The following CAST variants were observed in gnomAD, a reference collection of about 807,000 sequenced individuals.
The protein encoded by CAST is MIR583 host.
Under a neutral mutation model 119.6 loss-of-function variants are expected in CAST, and 76 were observed. The observed-to-expected ratio is 0.64, with a 90% CI of 0.53 to 0.77. CAST has a LOEUF of 0.77. CAST is among the 30% of genes least tolerant of loss of function. The pLI, the probability that CAST is intolerant of heterozygous loss-of-function variation, is 0.00. For synonymous variants in CAST, 319 were observed against 331.6 expected, an observed-to-expected ratio of 0.96 and a Z score of 0.41; for missense variants, 953 against 946.5, an observed-to-expected ratio of 1.01 and a Z score of -0.09.
chr5:96,260,068 C>T, the CAST span, among the ~76,000 whole-genome samples: 4 of 151,994 alleles, frequency 2.6e-5, no homozygotes, highest in African/African-American at 9.7e-5. Context: ...CTCAACCCCG[C>T]AGACATTAGA....
chr5:96,198,322 T>G, the CAST span, among the ~76,000 whole-genome samples: 1 of 152,156 alleles, frequency 6.6e-6, no homozygotes, highest in Admixed American at 6.5e-5. Context: ...GTTGCAAAAA[T>G]TAAAAGAAAT....
the CAST span, among the ~76,000 whole-genome samples, chr5:96,374,628 G>A: frequency 6.6e-6 from 1 of 152,146 alleles, no homozygotes; most frequent in Non-Finnish European, 1.5e-5. Context: ...ATGTCTTGTA[G>A]TTTTCCATCT....
At chr5:96,453,255 T>C in the CAST span, among the ~76,000 whole-genome samples, 1 of 152,322 alleles carries the variant, frequency 6.6e-6, no homozygotes, top group African/African-American at 2.4e-5. Context: ...GTGTGTATAA[T>C]GCATTGAGTT....
At chr5:96,500,910 C>T in the CAST span, among the ~76,000 whole-genome samples, 5 of 152,132 alleles carry the variant, frequency 3.3e-5, no homozygotes, top group South Asian at 1.0e-3. Flanking sequence ...ATGTTGACTA[C>T]AAAAGTCAGG....
the CAST span, chr5:96,247,985 C>T: frequency 6.6e-6 from 1 of 152,318 alleles, no homozygotes; most frequent in South Asian, 2.1e-4. Context: ...TCAGTAGCCA[C>T]TCGGTGGGGA....
At chr5:95,987,217 A>T in the CAST span, among the ~76,000 whole-genome samples, 1 of 151,966 alleles carries the variant, frequency 6.6e-6, no homozygotes, top group Non-Finnish European at 1.5e-5. Flanking sequence ...CTGTGACCTC[A>T]CCTTAGCTTA....
the CAST span, among the ~76,000 whole-genome samples, chr5:96,141,241 T>G: frequency 6.6e-6 from 1 of 152,232 alleles, no homozygotes; most frequent in Non-Finnish European, 1.5e-5. Context: ...CTGTTTTGTT[T>G]GGATTTTTGA....
At chr5:96,414,149 A>T in the CAST span, among the ~76,000 whole-genome samples, 1 of 151,628 alleles carries the variant, frequency 6.6e-6, no homozygotes, top group South Asian at 2.1e-4. Context: ...AAAAAAAAAA[A>T]AAAAAATCCC....
At chr5:96,645,873 A>C (rs190498) in intron 1 of CAST, among the ~76,000 whole-genome samples, 52,926 of 150,914 alleles carry the variant, frequency 0.35, 9,400 homozygotes, top group Admixed American at 0.37. Context: ...TTTTAAAAAT[A>C]TGTATAATAT....
the CAST span, among the ~76,000 whole-genome samples, chr5:96,099,539 T>C: frequency 1.6e-4 from 25 of 152,348 alleles, no homozygotes; most frequent in African/African-American, 6.0e-4. Context: ...CATGAATGGA[T>C]GCTGAACTTT....
chr5:96,320,485 G>A, the CAST span, among the ~76,000 whole-genome samples: 7 of 152,102 alleles, frequency 4.6e-5, no homozygotes, highest in South Asian at 4.1e-4. Flanking sequence ...TGATCCGCCC[G>A]CCTCAGCCTC....
chr5:96,629,401 A>G (rs1446586603), intron 1 of CAST, among the ~76,000 whole-genome samples: 1 of 149,856 alleles, frequency 6.7e-6, no homozygotes, highest in South Asian at 2.1e-4. Context: ...CTAAGACAGT[A>G]TTCTTTCCAG....
In CAST at chr5:96,762,291, A is replaced by C. The variant is rs1254389174; in HGVS notation, c.1851A>C (p.Lys617Asn). Reference protein sequence around the residue: ...NASSLKFEDAKLAAAISEVVS... With the variant: ...NASSLKFEDANLAAAISEVVS... ...AATAAAAGAAATTTGAAGATGCTAA[A>C]CTTGCTGCTGCCATCTCTGAAGTGG... Residue 617 changes from lysine to asparagine, a missense_variant, in exon 25 of 32, where the codon AAA becomes AAC. Lys to Asn is a moderately conservative substitution (Grantham distance 94). Transcript: ENST00000675179. 2 of 1,607,590 alleles carry C rather than the reference A, an allele frequency of 1.2e-6. No homozygotes were observed. The highest frequency in any genetic ancestry group is 1.7e-6 in the Non-Finnish European group (2 of 1,178,122).
chr5:96,416,736 G>A, the CAST span, among the ~76,000 whole-genome samples: 1 of 152,168 alleles, frequency 6.6e-6, no homozygotes, highest in African/African-American at 2.4e-5. Flanking sequence ...CAGCTAATTG[G>A]AAAGCCAAGA....
At chr5:96,524,219 T>C (rs1745563295), upstream of CAST, among the ~76,000 whole-genome samples, 1 of 152,240 alleles carries the variant, frequency 6.6e-6, no homozygotes, top group Non-Finnish European at 1.5e-5. Flanking sequence ...AAAAGGCCAC[T>C]AAGCCGTGTG....
chr5:96,629,235 C>T (rs564761923), intron 1 of CAST, among the ~76,000 whole-genome samples: 4 of 152,170 alleles, frequency 2.6e-5, no homozygotes, highest in Non-Finnish European at 5.9e-5. Context: ...GGTGAGTGTT[C>T]GCTTCTACCT....
the CAST span, among the ~76,000 whole-genome samples, chr5:96,015,309 C>T: frequency 5.3e-5 from 8 of 152,036 alleles, 1 homozygote; most frequent in African/African-American, 1.9e-4. Flanking sequence ...TGCTATTTGA[C>T]TGTACTTTCA....
the CAST span, among the ~76,000 whole-genome samples, chr5:96,297,570 AT>A: frequency 0.01 from 1,585 of 152,176 alleles, 26 homozygotes; most frequent in African/African-American, 0.035. Context: ...CCCATGGCAC[AT>A]TTTTTTATGC....
chr5:96,738,522 T>G (rs114321410), intron 11 of CAST, among the ~76,000 whole-genome samples: 90 of 152,280 alleles, frequency 5.9e-4, no homozygotes, highest in African/African-American at 2.1e-3. Flanking sequence ...ACACTTATTT[T>G]CCATCCTCAA....
Sources: gnomAD v4.1 joint callset for allele counts (sites outside exome capture counted in the v4.1 genomes callset) on GRCh38, gnomAD v4.1.1 for gene constraint, MANE v1.5 for transcripts, NCBI Gene and HGNC (gene_info 2026-07-23, HGNC 2026-07-21) for gene names.